The following SYDE1 variants were observed in gnomAD, a reference collection of about 807,000 sequenced individuals.
SYDE1 encodes rho GTPase-activating protein SYDE1.
Under a neutral mutation model 63.3 loss-of-function variants are expected in SYDE1, and 34 were observed. The observed-to-expected ratio is 0.54, with a 90% CI of 0.41 to 0.71. The LOEUF (loss-of-function observed/expected upper bound fraction) is 0.71. SYDE1 is among the 30% of genes least tolerant of loss of function. SYDE1 has a pLI of 0.00. For missense variants in SYDE1, 925 were observed against 1,042.5 expected, an observed-to-expected ratio of 0.89 and a Z score of 1.55; for synonymous variants, 467 against 473.4, an observed-to-expected ratio of 0.99 and a Z score of 0.18.
In SYDE1 at chr19:15,109,378, A is replaced by G. The variant is rs1203214566; in HGVS notation, c.411A>G (p.Ser137=). 1 of 1,560,216 alleles carries G rather than the reference A, an allele frequency of 6.4e-7. No homozygotes were observed. The highest frequency in any genetic ancestry group is 8.7e-7 in the Non-Finnish European group (1 of 1,154,060). Residue 137 remains serine, a synonymous_variant, in exon 2 of 8, where the codon TCA becomes TCG. Coordinates refer to ENST00000342784, the MANE Select transcript of SYDE1 (RefSeq NM_033025.6). The surrounding 1 kb of genome is among the most constrained non-coding windows in gnomAD (Gnocchi z 5.0). The stretch of plus-strand genomic sequence containing the variant: ...GGCCACAGCCTGGCTCAGCTGAGTC[A>G]GAGGGCCTGGCCCCCCAAGGTAAGA... ...PPGPQPGSAE[S]EGLAPQGAAP...
Position 15,113,777 on chromosome 19 carries a change from C to G in SYDE1, c.2022C>G (p.Asp674Glu). The G allele has an allele frequency of 6.2e-7, 1 of 1,614,174 alleles. No individual in the cohort carries two copies. The highest frequency in any genetic ancestry group is 8.5e-7 in the Non-Finnish European group (1 of 1,180,048). The stretch of plus-strand genomic sequence containing the variant: ...GGCGGGATTTCCTGTCCGGGCCAGA[C>G]TACGACCACGTGACGGGCAGTGACA... ...PCGRDFLSGP[D>E]YDHVTGSDSE... Residue 674 changes from aspartate to glutamate, a missense_variant, in exon 8 of 8, where the codon GAC becomes GAG. Asp to Glu is a conservative substitution (Grantham distance 45, BLOSUM62 2). This residue lies in a region of SYDE1 where 255 missense variants were observed against 255.9 expected (regional missense o/e 1.00). Coordinates refer to ENST00000342784, the MANE Select transcript of SYDE1 (RefSeq NM_033025.6).
At position 15,108,003 on chromosome 19, in the gene SYDE1, C is replaced by G. The variant is rs950430529; in HGVS notation, c.88+482C>G. On this transcript the variant is annotated intron_variant, in intron 1 of 7. Transcript: ENST00000342784. This position sits in a 1 kb window ranked among gnomAD's most constrained non-coding sequence, Gnocchi z 4.3. ...TCCGCCTCCCACCTACTAACAGTGA[C>G]GGCAACTGCGCCTGCCTTAGCCCCA... Among the ~76,000 whole-genome samples, 3 of 152,164 alleles carry G rather than the reference C, an allele frequency of 2.0e-5. No homozygotes were observed. The highest frequency in any genetic ancestry group is 6.5e-5 in the Admixed American group (1 of 15,286).
chr19:15,110,908 C>T lies in SYDE1; in HGVS notation c.1290+173C>T, dbSNP rs1049658728. Among the ~76,000 whole-genome samples, 1 of 152,154 alleles carries T rather than the reference C, an allele frequency of 6.6e-6. No homozygotes were observed. The highest frequency in any genetic ancestry group is 2.4e-5 in the African/African-American group (1 of 41,420). Reference sequence around the variant, plus strand: ...CTTGACTGTAGCACCCTGGGCAGAACCCATGGGTCATCCATTGATTTAAAA... The same window carrying T: ...CTTGACTGTAGCACCCTGGGCAGAATCCATGGGTCATCCATTGATTTAAAA... On this transcript the variant is annotated intron_variant, in intron 4 of 7. Transcript: ENST00000342784. The surrounding 1 kb of genome is among the most constrained non-coding windows in gnomAD (Gnocchi z 6.9).
intron 7 of SYDE1, 112 bp downstream of exon 7, chr19:15,112,683 T>A: frequency 1.1e-6 from 1 of 901,836 alleles, no homozygotes; most frequent in Non-Finnish European, 1.6e-6. Flanking sequence ...CCTCATGGAG[T>A]AAACTGGTAC....
intron 6 of SYDE1, among the ~76,000 whole-genome samples, chr19:15,112,118 T>C (rs2046349222): frequency 6.6e-6 from 1 of 152,220 alleles, no homozygotes; most frequent in Non-Finnish European, 1.5e-5. Flanking sequence ...AAAATGAGAT[T>C]CATGGCAGCT....
intron 6 of SYDE1, 84 bp from the exon 7 acceptor site, chr19:15,112,262 T>G: frequency 2.3e-6 from 2 of 882,954 alleles, no homozygotes; most frequent in South Asian, 3.3e-5. Context: ...CCTGCTTCCC[T>G]ACTCTAGCCA....
At position 15,114,224 on chromosome 19, in the gene SYDE1, G is replaced by A. The variant is rs936646674; in HGVS notation, c.*261G>A. 3.6e-5 allele frequency: 17 copies of A among 472,534 alleles called. No individual in the cohort carries two copies. The Admixed American group carries it at 6.6e-4, about 18-fold the overall frequency. 29.3% of individuals were successfully genotyped at this position (472,534 alleles called of 1,614,324 possible). A position where few individuals can be genotyped will look rare whatever the true frequency, so the allele number is the denominator to read the frequency against. On this transcript the variant is annotated 3_prime_UTR_variant, in exon 8 of 8. Coordinates refer to ENST00000342784, the MANE Select transcript of SYDE1 (RefSeq NM_033025.6). Reference sequence around the variant, plus strand: ...TGACCATCTTTCCTGAGCACCAAGGGCTTCCCCTTTTGTTGCCAAAAAGGT... The same window carrying A: ...TGACCATCTTTCCTGAGCACCAAGGACTTCCCCTTTTGTTGCCAAAAAGGT...
At position 15,111,497 on chromosome 19, in the gene SYDE1, G is replaced by A. The variant is rs2046345719; in HGVS notation, c.1417+58G>A. The A allele has an allele frequency of 2.5e-6, 4 of 1,605,438 alleles. No homozygotes were observed. In the African/African-American group the frequency reaches 5.3e-5, roughly 21 times the overall value. ...CCCCCATTCAATGCCTCACTTCAAGGCCTTGGGGCTCCTCTGGGACCTCAG... is the reference window on the plus strand; with the variant it reads ...CCCCCATTCAATGCCTCACTTCAAGACCTTGGGGCTCCTCTGGGACCTCAG... On this transcript the variant is annotated intron_variant, in intron 5 of 7. Coordinates refer to ENST00000342784, the MANE Select transcript of SYDE1 (RefSeq NM_033025.6). This position sits in a 1 kb window ranked among gnomAD's most constrained non-coding sequence, Gnocchi z 5.5.
Position 15,113,783 on chromosome 19 carries a change from C to A in SYDE1, c.2028C>A (p.Asp676Glu). ...ATTTCCTGTCCGGGCCAGACTACGA[C>A]CACGTGACGGGCAGTGACAGCGAGG... ...GRDFLSGPDY[D>E]HVTGSDSEDE... The change falls in exon 8 of 8, where the codon GAC (aspartate) becomes GAA (glutamate). Residue 676 changes from aspartate (D) to glutamate (E), a missense_variant. Physicochemically the swap from Asp to Glu is conservative, Grantham distance 45. Around this residue, in one of 3 missense-constraint regions of SYDE1, gnomAD observed 255 missense variants for 255.9 expected, o/e 1.00. Transcript: ENST00000342784. 1 of 1,614,174 alleles carries A rather than the reference C, an allele frequency of 6.2e-7. No individual in the cohort carries two copies. Among genetic ancestry groups the A allele is most frequent in the Non-Finnish European group, 8.5e-7 (1 of 1,180,048 alleles).
In SYDE1 at chr19:15,109,755, GC is replaced by G; in HGVS notation, c.486del (p.Ala163ProfsTer6). ...PTKASRTKSPGPARRLSIKMK... is the reference protein window; with the variant it reads ...PTKASRTKSPXPARRLSIKMK... Reference sequence around the variant, plus strand: ...AAAGCCTCCCGCACCAAGTCCCCGGGCCCCGCCAGGCGCCTCTCCATAAAGA... The same window carrying G: ...AAAGCCTCCCGCACCAAGTCCCCGGGCCCGCCAGGCGCCTCTCCATAAAGA... On this transcript the variant is annotated frameshift_variant, in exon 3 of 8. Coordinates refer to ENST00000342784, the MANE Select transcript of SYDE1 (RefSeq NM_033025.6). LOFTEE classifies it high-confidence loss of function. The surrounding 1 kb of genome is among the most constrained non-coding windows in gnomAD (Gnocchi z 5.0). 1 of 1,536,252 alleles carries G rather than the reference GC, an allele frequency of 6.5e-7. No homozygotes were observed.
Position 15,109,072 on chromosome 19 carries a change from CCCAGAGCCCAGCCCTCCAGAG to C in SYDE1, c.115_135del (p.Ser39_Pro45del). On this transcript the variant is annotated inframe_deletion, in exon 2 of 8. Coordinates refer to ENST00000342784, the MANE Select transcript of SYDE1 (RefSeq NM_033025.6). This position sits in a 1 kb window ranked among gnomAD's most constrained non-coding sequence, Gnocchi z 5.0. The stretch of plus-strand genomic sequence containing the variant: ...CTCTGCCAGGCCACCCAGCCCAGCG[CCCAGAGCCCAGCCCTCCAGAG>C]CCAGAGCCCCAGGCTCCCGAAGGGT... 2.0e-6 allele frequency: 3 copies of C among 1,509,860 alleles called. No homozygotes were observed. The highest frequency in any genetic ancestry group is 8.8e-7 in the Non-Finnish European group (1 of 1,132,932). The allele number at this position is 1,509,860 out of a possible 1,614,324, so 93.5% of individuals were successfully genotyped here.
At position 15,113,617 on chromosome 19, in the gene SYDE1, A is replaced by G; in HGVS notation, c.1862A>G (p.Gln621Arg). 3 of 1,602,242 alleles carry G rather than the reference A, an allele frequency of 1.9e-6. No individual in the cohort carries two copies. Among genetic ancestry groups the G allele is most frequent in the Non-Finnish European group, 2.6e-6 (3 of 1,173,518 alleles). The change falls in exon 8 of 8, where the codon CAG becomes CGG. Residue 621 changes from glutamine to arginine, a missense_variant. By Grantham distance (43) the Gln-to-Arg change is conservative. This residue lies in a region of SYDE1 where 255 missense variants were observed against 255.9 expected (regional missense o/e 1.00). Coordinates refer to ENST00000342784, the MANE Select transcript of SYDE1 (RefSeq NM_033025.6). ...DVAPYLRPKR[Q>R]PPLHLPLADP... is the part of the protein sequence containing the mutation. ...GCGCCTTACTTGCGACCCAAACGAC[A>G]GCCACCTCTGCACCTGCCGCTGGCA...
chr19:15,111,262 T>A lies in SYDE1; in HGVS notation c.1291-51T>A. Reference sequence around the variant, plus strand: ...CAGTGCTCACCCCACTGGGCCCTGATTAGTCTGTGGCCCCGGCAAGAAGAC... The same window carrying A: ...CAGTGCTCACCCCACTGGGCCCTGAATAGTCTGTGGCCCCGGCAAGAAGAC... On this transcript the variant is annotated intron_variant, in intron 4 of 7. Coordinates refer to ENST00000342784, the MANE Select transcript of SYDE1 (RefSeq NM_033025.6). This position sits in a 1 kb window ranked among gnomAD's most constrained non-coding sequence, Gnocchi z 5.5. The A allele has an allele frequency of 1.2e-6, 2 of 1,604,902 alleles. No individual in the cohort carries two copies. The highest frequency in any genetic ancestry group is 1.7e-6 in the Non-Finnish European group (2 of 1,173,322).
rs755215879 is a variant in SYDE1 at position 15,110,448 on chromosome 19, T to A, written c.1076-73T>A. ...GGGGCTGGGCTCCGGGCGGAAGGTG[T>A]GGCCTGGAGCAGCGAGGCCAGGGTA... On this transcript the variant is annotated intron_variant, in intron 3 of 7. Coordinates refer to ENST00000342784, the MANE Select transcript of SYDE1 (RefSeq NM_033025.6). This position sits in a 1 kb window ranked among gnomAD's most constrained non-coding sequence, Gnocchi z 6.9. The A allele has an allele frequency of 3.1e-5, 47 of 1,497,216 alleles. No homozygotes were observed. In the South Asian group the frequency reaches 5.6e-4, roughly 18 times the overall value. The allele number at this position is 1,497,216 out of a possible 1,614,324, so 92.7% of individuals were successfully genotyped here. A position where few individuals can be genotyped will look rare whatever the true frequency, so the allele number is the denominator to read the frequency against.
Position 15,114,021 on chromosome 19 carries a change from G to T in SYDE1, c.*58G>T. ...GGACCGGGCGCCCAGTGGCTAAGGC[G>T]GTGCCCTGGTGACCAAGGAGAGCCA... On this transcript the variant is annotated 3_prime_UTR_variant, in exon 8 of 8. Coordinates refer to ENST00000342784, the MANE Select transcript of SYDE1 (RefSeq NM_033025.6). 1 of 1,521,558 alleles carries T rather than the reference G, an allele frequency of 6.6e-7. No individual in the cohort carries two copies. Among genetic ancestry groups the T allele is most frequent in the Non-Finnish European group, 8.9e-7 (1 of 1,125,748 alleles). The allele number at this position is 1,521,558 out of a possible 1,614,324, so 94.3% of individuals were successfully genotyped here.
rs537146723 is a variant in SYDE1, at chr19:15,110,089, G to T, written c.816G>T (p.Leu272=). ...TCTGGGGCCGCCTCAGCCTGCACCT[G>T]TACGGTCTCGGGGGGCTGCGGCCAG... is the stretch of plus-strand genomic sequence containing the variant. The part of the protein sequence containing the change: ...AALWGRLSLH[L]YGLGGLRPAP... Residue 272 remains leucine, a synonymous_variant, in exon 3 of 8, where the codon CTG becomes CTT. Coordinates refer to ENST00000342784, the MANE Select transcript of SYDE1 (RefSeq NM_033025.6). The surrounding 1 kb of genome is among the most constrained non-coding windows in gnomAD (Gnocchi z 6.9). 6.2e-6 allele frequency: 9 copies of T among 1,455,676 alleles called. No homozygotes were observed. The highest frequency in any genetic ancestry group is 1.5e-5 in the African/African-American group (1 of 67,600). 90.2% of individuals were successfully genotyped at this position (1,455,676 alleles called of 1,614,324 possible).
chr19:15,109,708 A>T lies in SYDE1; in HGVS notation c.435A>T (p.Ala145=). ...TGAAGTCTGCTCTCCACACAGGTGC[A>T]GCCCCCGCCAGCCCCCCAACCAAAG... ...AESEGLAPQG[A]APASPPTKAS... is the part of the protein sequence containing the mutation. Residue 145 remains alanine, a synonymous_variant, in exon 3 of 8, where the codon GCA becomes GCT. Transcript: ENST00000342784. This position sits in a 1 kb window ranked among gnomAD's most constrained non-coding sequence, Gnocchi z 5.0. 1 of 1,497,616 alleles carries T rather than the reference A, an allele frequency of 6.7e-7. No individual in the cohort carries two copies. Among genetic ancestry groups the T allele is most frequent in the Non-Finnish European group, 8.9e-7 (1 of 1,121,252 alleles). 92.8% of individuals were successfully genotyped at this position (1,497,616 alleles called of 1,614,324 possible).
Position 15,111,622 on chromosome 19 carries a change from G to A in SYDE1, c.1418-10G>A, listed in dbSNP as rs755423646. The A allele has an allele frequency of 8.1e-6, 13 of 1,613,702 alleles. No homozygotes were observed. The highest frequency in any genetic ancestry group is 1.3e-5 in the African/African-American group (1 of 75,028). ...TGGTGCCCTGACCAGAGGGGACCCT[G>A]TGTTCACAGGCATCCTCAAGGATTA... On this transcript the variant is annotated splice_polypyrimidine_tract_variant and intron_variant, in intron 5 of 7. Coordinates refer to ENST00000342784, the MANE Select transcript of SYDE1 (RefSeq NM_033025.6). The surrounding 1 kb of genome is among the most constrained non-coding windows in gnomAD (Gnocchi z 5.5).
Position 15,108,945 on chromosome 19 carries a change from C to T in SYDE1, c.89-111C>T, listed in dbSNP as rs1294669248. ...CAGGATCCAAGGAACCATGACTTAT[C>T]AGGGGCCGGCCAGGGCCGTACACAG... On this transcript the variant is annotated intron_variant, in intron 1 of 7. Coordinates refer to ENST00000342784, the MANE Select transcript of SYDE1 (RefSeq NM_033025.6). This position sits in a 1 kb window ranked among gnomAD's most constrained non-coding sequence, Gnocchi z 4.3. 9 of 1,406,046 alleles carry T rather than the reference C, an allele frequency of 6.4e-6. No individual in the cohort carries two copies. The African/African-American group carries it at 7.3e-5, about 11-fold the overall frequency. The allele number at this position is 1,406,046 out of a possible 1,614,324, so 87.1% of individuals were successfully genotyped here. A position where few individuals can be genotyped will look rare whatever the true frequency, so the allele number is the denominator to read the frequency against.
Sources: gnomAD v4.1 joint callset for allele counts (sites outside exome capture counted in the v4.1 genomes callset) on GRCh38, gnomAD v4.1.1 for gene constraint, gnomAD v4.1.1 regional missense constraint, Gnocchi (gnomAD v3.1) non-coding constraint, MANE v1.5 for transcripts, NCBI Gene and HGNC (gene_info 2026-07-23, HGNC 2026-07-21) for gene names.